The following ELAPOR2 variants were observed in gnomAD, a reference collection of about 807,000 sequenced individuals.
ELAPOR2 encodes endosome-lysosome associated apoptosis and autophagy regulator family member 2.
ELAPOR2 carries 89 observed loss-of-function variants against 120.7 expected under a neutral mutation model. That is an observed-to-expected ratio of 0.74 (90% CI 0.62 to 0.88). ELAPOR2 has a LOEUF of 0.88. Ranked by LOEUF, ELAPOR2 falls within the 40% of genes least tolerant of loss-of-function variation. The pLI, the probability that ELAPOR2 is intolerant of heterozygous loss-of-function variation, is 0.00. For synonymous variants in ELAPOR2, 444 were observed against 444.9 expected, an observed-to-expected ratio of 1.00 and a Z score of 0.03; for missense variants, 1,134 against 1,251.6, an observed-to-expected ratio of 0.91 and a Z score of 1.42.
rs149467226 is a variant in ELAPOR2 at position 86,971,625 on chromosome 7, A to G, written c.190-6601T>C. ...TATCTCTGCTCCTCACCAACCTGCAAAAGAATGGAGTTTCTAAAGAGAGCA... is the reference window on the plus strand; with the variant it reads ...TATCTCTGCTCCTCACCAACCTGCAGAAGAATGGAGTTTCTAAAGAGAGCA... On this transcript the variant is annotated intron_variant, in intron 1 of 21. Coordinates refer to ENST00000450689, the MANE Select transcript of ELAPOR2 (RefSeq NM_001142749.3). 5.9e-5 allele frequency among the ~76,000 whole-genome samples: 9 copies of G among 152,324 alleles called. No homozygotes were observed. In the East Asian group the frequency reaches 1.7e-3, roughly 29 times the overall value.
At chr7:86,927,370 G>A (rs1003771838) in intron 8 of ELAPOR2, among the ~76,000 whole-genome samples, 3 of 151,794 alleles carry the variant, frequency 2.0e-5, no homozygotes, top group Non-Finnish European at 4.4e-5. Context: ...TTTTCAGAAA[G>A]AATATATCAA....
intron 1 of ELAPOR2, among the ~76,000 whole-genome samples, chr7:86,976,606 GA>G (rs1438159702): frequency 2.0e-5 from 3 of 152,070 alleles, no homozygotes; most frequent in East Asian, 3.9e-4. Flanking sequence ...TTTGAAAACT[GA>G]ATAGACACTG....
intron 1 of ELAPOR2, among the ~76,000 whole-genome samples, chr7:86,990,626 A>C (rs1792914025): frequency 6.6e-6 from 1 of 152,220 alleles, no homozygotes; most frequent in Non-Finnish European, 1.5e-5. Flanking sequence ...TAGTTTCTTA[A>C]GAATTCAAGG....
At chr7:87,032,772 A>G (rs985657982) in intron 1 of ELAPOR2, among the ~76,000 whole-genome samples, 3 of 152,212 alleles carry the variant, frequency 2.0e-5, no homozygotes, top group Non-Finnish European at 2.9e-5. Flanking sequence ...ATAGCATAAA[A>G]AGGAAGTTTC....
chr7:86,989,551 A>T (rs1358553682), intron 1 of ELAPOR2, among the ~76,000 whole-genome samples: 1 of 152,250 alleles, frequency 6.6e-6, no homozygotes, highest in East Asian at 1.9e-4. Context: ...AATGTGACTT[A>T]CTACCACTTA....
chr7:86,994,042 A>G (rs1486236971), intron 1 of ELAPOR2, among the ~76,000 whole-genome samples: 3 of 152,184 alleles, frequency 2.0e-5, no homozygotes, highest in African/African-American at 7.2e-5. Context: ...TCTTATTGCA[A>G]AACTTATATT....
intron 14 of ELAPOR2, 129 bp downstream of exon 14, chr7:86,912,812 G>T: frequency 9.4e-7 from 1 of 1,065,848 alleles, no homozygotes; most frequent in Admixed American, 2.6e-5. Context: ...AACAGAAATG[G>T]TAAGTAGAAA....
At chr7:86,964,554 G>A (rs1043399935) in intron 2 of ELAPOR2, among the ~76,000 whole-genome samples, 8 of 152,132 alleles carry the variant, frequency 5.3e-5, no homozygotes, top group Admixed American at 1.3e-4. Context: ...TAGAAATGGT[G>A]ACGATGGTAA....
chr7:86,883,326 C>T (rs1258268865), intron 21 of ELAPOR2, among the ~76,000 whole-genome samples: 2 of 152,026 alleles, frequency 1.3e-5, no homozygotes, highest in Non-Finnish European at 2.9e-5. Flanking sequence ...CATAAATGAG[C>T]ATATCTAAGA....
intron 2 of ELAPOR2, among the ~76,000 whole-genome samples, chr7:86,963,948 T>C (rs948760413): frequency 1.3e-5 from 2 of 152,228 alleles, no homozygotes; most frequent in South Asian, 2.1e-4. Context: ...ATGGTATTTT[T>C]CCCTAACTTT....
At chr7:86,960,580 C>T (rs551011491) in intron 2 of ELAPOR2, among the ~76,000 whole-genome samples, 30 of 152,206 alleles carry the variant, frequency 2.0e-4, no homozygotes, top group African/African-American at 6.7e-4. Context: ...TTTCTGTCCA[C>T]GTGATCTGTC....
chr7:86,903,359 C>T (rs1016202032), intron 18 of ELAPOR2, among the ~76,000 whole-genome samples: 3 of 152,018 alleles, frequency 2.0e-5, no homozygotes, highest in Admixed American at 6.6e-5. Flanking sequence ...ATTCTAAGAA[C>T]GTATTTGGTT....
chr7:86,962,008 C>G (rs1468230485), intron 2 of ELAPOR2, among the ~76,000 whole-genome samples: 1 of 152,128 alleles, frequency 6.6e-6, no homozygotes, highest in Non-Finnish European at 1.5e-5. Context: ...CAATTAACAA[C>G]CAGAAGCCTC....
chr7:86,908,351 C>T (rs1357005126), intron 17 of ELAPOR2, 96 bp downstream of exon 17: 2 of 664,068 alleles, frequency 3.0e-6, no homozygotes, highest in Admixed American at 3.0e-5. Flanking sequence ...TATATGATTA[C>T]ATACCCATAA....
chr7:87,055,921 G>C lies in ELAPOR2; in HGVS notation c.189+3404C>G, dbSNP rs377222118. On this transcript the variant is annotated intron_variant, in intron 1 of 21. Transcript: ENST00000450689. Reference sequence around the variant, plus strand: ...TTGCATTATGCAAGATTTTACAGCAGTGAACTAAGAATCAGCTATTTTGTG... The same window carrying C: ...TTGCATTATGCAAGATTTTACAGCACTGAACTAAGAATCAGCTATTTTGTG... 2.1e-4 allele frequency among the ~76,000 whole-genome samples: 32 copies of C among 152,336 alleles called. No homozygotes were observed. The East Asian group carries it at 2.9e-3, about 14-fold the overall frequency.
Position 87,045,078 on chromosome 7 carries a change from G to C in ELAPOR2, c.189+14247C>G, listed in dbSNP as rs1045712081. ...ATGAGATACCATCTCACACCAGTTA[G>C]AATGGCAATCATTAAAAAGTCAGGA... is the stretch of plus-strand genomic sequence containing the variant. On this transcript the variant is annotated intron_variant, in intron 1 of 21. Coordinates refer to ENST00000450689, the MANE Select transcript of ELAPOR2 (RefSeq NM_001142749.3). Among the ~76,000 whole-genome samples the C allele has an allele frequency of 1.8e-4, 22 of 125,276 alleles. 1 individual carries two copies. Among genetic ancestry groups the C allele is most frequent in the African/African-American group, 7.0e-4 (20 of 28,374 alleles). 82.2% of individuals were successfully genotyped at this position (125,276 alleles called of 152,430 possible).
chr7:86,914,447 A>G (rs1789465677), intron 13 of ELAPOR2, among the ~76,000 whole-genome samples: 1 of 152,192 alleles, frequency 6.6e-6, no homozygotes, highest in Admixed American at 6.6e-5. Flanking sequence ...GAGAACTGCA[A>G]AATTAGATTT....
At chr7:86,897,791 T>C (rs1562904756) in intron 18 of ELAPOR2, among the ~76,000 whole-genome samples, 159 bp from the exon 19 acceptor site, 1 of 152,110 alleles carries the variant, frequency 6.6e-6, no homozygotes, top group African/African-American at 2.4e-5. Context: ...CAAACCACTA[T>C]GAGATAACAG....
At chr7:86,994,698 G>C (rs1225216533) in intron 1 of ELAPOR2, among the ~76,000 whole-genome samples, 1 of 152,104 alleles carries the variant, frequency 6.6e-6, no homozygotes, top group Non-Finnish European at 1.5e-5. Flanking sequence ...GAATTGATTG[G>C]AGGAGTGGTG....
Sources: gnomAD v4.1 joint callset for allele counts (sites outside exome capture counted in the v4.1 genomes callset) on GRCh38, gnomAD v4.1.1 for gene constraint, MANE v1.5 for transcripts, NCBI Gene and HGNC (gene_info 2026-07-23, HGNC 2026-07-21) for gene names.